The following BPTF variants were observed in gnomAD, a reference collection of about 807,000 sequenced individuals.
The protein encoded by BPTF is bromodomain PHD finger transcription factor.
BPTF carries 18 observed loss-of-function variants against 292.5 expected under a neutral mutation model. That is an observed-to-expected ratio of 0.06 (90% CI 0.04 to 0.09). The LOEUF is 0.09. BPTF is among the 10% of genes least tolerant of loss of function. BPTF has a pLI of 1.00. For missense variants in BPTF, 2,726 were observed against 3,498.7 expected, an observed-to-expected ratio of 0.78 and a Z score of 5.57; for synonymous variants, 1,225 against 1,251.9, an observed-to-expected ratio of 0.98 and a Z score of 0.45.
intron 4 of BPTF, chr17:67,891,364 A>G (rs1199116696): frequency 6.6e-6 from 1 of 152,430 alleles, no homozygotes; most frequent in African/African-American, 2.4e-5. Context: ...ACAGATAATT[A>G]TCTAAATTCC....
At chr17:67,892,987 T>G (rs2061223623) in intron 5 of BPTF, among the ~76,000 whole-genome samples, 1 of 152,178 alleles carries the variant, frequency 6.6e-6, no homozygotes, top group Non-Finnish European at 1.5e-5. Context: ...ATATATTTTT[T>G]GGGGGATAGT....
chr17:67,885,925 T>A (rs1374987865), intron 4 of BPTF, among the ~76,000 whole-genome samples: 2 of 152,058 alleles, frequency 1.3e-5, no homozygotes, highest in African/African-American at 4.8e-5. Flanking sequence ...CCAAAAAAAG[T>A]CAGTGAGTTA....
At chr17:67,888,538 C>T (rs1348405177) in intron 4 of BPTF, among the ~76,000 whole-genome samples, 5 of 141,050 alleles carry the variant, frequency 3.5e-5, no homozygotes, top group African/African-American at 1.3e-4. Context: ...TGCAGTGAGC[C>T]GAGATCGTGC....
chr17:67,911,720 T>C lies in BPTF; in HGVS notation c.3836T>C (p.Leu1279Pro), dbSNP rs772721146. 1.6e-5 allele frequency: 26 copies of C among 1,614,016 alleles called. No homozygotes were observed. In the South Asian group the frequency reaches 2.6e-4, roughly 16 times the overall value. The change falls in exon 11 of 28, where the codon CTG becomes CCG. Residue 1279 changes from leucine (L) to proline (P), a missense_variant. Around this residue, in one of 22 missense-constraint regions of BPTF, gnomAD observed 713 missense variants for 714.9 expected, o/e 1.00. Coordinates refer to ENST00000306378, the MANE Select transcript of BPTF (RefSeq NM_182641.4). Reference protein sequence around the residue: ...LSRAMDFEGKLGCDSESNSTL... With the variant: ...LSRAMDFEGKPGCDSESNSTL... Reference sequence around the variant, plus strand: ...AGAGCAATGGACTTTGAAGGAAAACTGGGATGTGACTCTGAATCTAATAGC... The same window carrying C: ...AGAGCAATGGACTTTGAAGGAAAACCGGGATGTGACTCTGAATCTAATAGC...
intron 1 of BPTF, among the ~76,000 whole-genome samples, chr17:67,834,232 C>T (rs1230760899): frequency 6.6e-6 from 1 of 152,094 alleles, no homozygotes; most frequent in Non-Finnish European, 1.5e-5. Flanking sequence ...TTTAGCTATC[C>T]TTCTGTTACT....
At chr17:67,871,389 C>T (rs1337717426) in intron 3 of BPTF, among the ~76,000 whole-genome samples, 1 of 140,898 alleles carries the variant, frequency 7.1e-6, no homozygotes. Context: ...TGCAGTGAGC[C>T]GAGATCGTGC....
chr17:67,873,110 A>G (rs1360100906), intron 3 of BPTF, among the ~76,000 whole-genome samples: 1 of 152,176 alleles, frequency 6.6e-6, no homozygotes. Flanking sequence ...TTTATAAAAA[A>G]GGAAACACAA....
At chr17:67,834,670 A>G (rs562755881) in intron 1 of BPTF, among the ~76,000 whole-genome samples, 12 of 152,070 alleles carry the variant, frequency 7.9e-5, no homozygotes, top group African/African-American at 2.9e-4. Context: ...CTTTATCTCT[A>G]TCTTTATCTG....
intron 3 of BPTF, among the ~76,000 whole-genome samples, chr17:67,867,496 A>G (rs563356011): frequency 7.3e-4 from 111 of 152,310 alleles, no homozygotes; most frequent in African/African-American, 2.5e-3. Context: ...GTATTGATAC[A>G]CTGTTACTAA....
intron 7 of BPTF, among the ~76,000 whole-genome samples, chr17:67,895,502 C>T (rs1598480550): frequency 6.7e-6 from 1 of 149,620 alleles, no homozygotes; most frequent in East Asian, 1.9e-4. Flanking sequence ...CTCACTGTCA[C>T]CCAGGCTGGA....
chr17:67,939,315 T>G (rs543977673), intron 18 of BPTF, among the ~76,000 whole-genome samples: 5 of 152,184 alleles, frequency 3.3e-5, no homozygotes, highest in Non-Finnish European at 7.3e-5. Flanking sequence ...CACAAAGATA[T>G]ATATGTGTAT....
intron 26 of BPTF, among the ~76,000 whole-genome samples, chr17:67,970,019 A>G (rs1488412387): frequency 1.3e-5 from 2 of 152,124 alleles, no homozygotes; most frequent in Non-Finnish European, 2.9e-5. Context: ...AGATCACCTG[A>G]GGTTGGGAGT....
rs537609518 is a variant in BPTF, at chr17:67,968,356, A to C, written c.8539+1700A>C. On this transcript the variant is annotated intron_variant, in intron 26 of 27. Coordinates refer to ENST00000306378, the MANE Select transcript of BPTF (RefSeq NM_182641.4). ...TCTGTTCTCCTGATGTTGAAAATAG[A>C]AGGAGTTAATCATTGTACATATTTC... 9.9e-5 allele frequency among the ~76,000 whole-genome samples: 15 copies of C among 151,688 alleles called. 1 individual carries two copies. In the South Asian group the frequency reaches 3.1e-3, roughly 31 times the overall value.
At chr17:67,857,803 T>C in intron 2 of BPTF, among the ~76,000 whole-genome samples, 1 of 132,428 alleles carries the variant, frequency 7.6e-6, no homozygotes, top group East Asian at 2.0e-4. Context: ...TTTTTTTTTT[T>C]TGAGACAGCG....
At chr17:67,899,889 AAGTATAAG>A (rs2061708445) in intron 7 of BPTF, among the ~76,000 whole-genome samples, 1 of 152,104 alleles carries the variant, frequency 6.6e-6, no homozygotes, top group South Asian at 2.1e-4. Context: ...TAGGTTCTAA[AAGTATAAG>A]GAAAAACAAG....
chr17:67,974,228 A>G (rs1256461929), intron 26 of BPTF: 1 of 152,130 alleles, frequency 6.6e-6, no homozygotes, highest in Non-Finnish European at 1.5e-5. Flanking sequence ...CCTAGGATCA[A>G]TGTTGTTTCA....
At position 67,922,822 on chromosome 17, in the gene BPTF, C is replaced by A; in HGVS notation, c.5558-18C>A. 3 of 1,580,722 alleles carry A rather than the reference C, an allele frequency of 1.9e-6. No individual in the cohort carries two copies. Among genetic ancestry groups the A allele is most frequent in the African/African-American group, 1.4e-5 (1 of 72,576 alleles). ...TAGAAGCAATATTGCTTAAAATATT[C>A]TGATTTCCTTTCCAAAGAAACGCCT... On this transcript the variant is annotated intron_variant, in intron 13 of 27. Coordinates refer to ENST00000306378, the MANE Select transcript of BPTF (RefSeq NM_182641.4).
At chr17:67,900,074 G>A (rs8076388) in intron 7 of BPTF, among the ~76,000 whole-genome samples, 17,896 of 152,010 alleles carry the variant, frequency 0.12, 3,495 homozygotes, top group African/African-American at 0.41. Flanking sequence ...AAAACCTCCA[G>A]CACCTAGGAA....
intron 24 of BPTF, among the ~76,000 whole-genome samples, chr17:67,963,137 TTA>T (rs1272761669): frequency 6.6e-6 from 1 of 152,170 alleles, no homozygotes; most frequent in Non-Finnish European, 1.5e-5. Flanking sequence ...GTGAGTGACT[TTA>T]TGTTTCCACA....
Sources: allele counts gnomAD v4.1 joint callset (sites outside exome capture counted in the v4.1 genomes callset), GRCh38; gene constraint gnomAD v4.1.1; regional missense constraint gnomAD v4.1.1; transcripts MANE v1.5; gene names NCBI Gene and HGNC (gene_info 2026-07-23, HGNC 2026-07-21).